Variants in MACROD2 observed in about 807,000 individuals in gnomAD.
The protein encoded by MACROD2 is mono-ADP ribosylhydrolase 2.
MACROD2 carries 36 observed loss-of-function variants against 70.4 expected under a neutral mutation model. The observed-to-expected ratio is 0.51, with a 90% CI of 0.39 to 0.68. The LOEUF (loss-of-function observed/expected upper bound fraction) is 0.68, where lower values mean the gene tolerates loss of function less well. Ranked by LOEUF, MACROD2 falls within the 30% of genes least tolerant of loss-of-function variation. The pLI is 0.00. For synonymous variants in MACROD2, 172 were observed against 178.8 expected, an observed-to-expected ratio of 0.96 and a Z score of 0.30; for missense variants, 496 against 538.4, an observed-to-expected ratio of 0.92 and a Z score of 0.78.
chr20:15,274,142 G>T (rs1049838293), intron 6 of MACROD2, among the ~76,000 whole-genome samples: 1 of 152,110 alleles, frequency 6.6e-6, no homozygotes, highest in South Asian at 2.1e-4. Context: ...AAGGAACTAA[G>T]GTGAACAGAA....
chr20:14,463,095 G>T (rs1163813673), intron 3 of MACROD2, among the ~76,000 whole-genome samples: 2 of 152,012 alleles, frequency 1.3e-5, no homozygotes, highest in Non-Finnish European at 1.5e-5. Context: ...GCTTGATGGG[G>T]ATGGCATTGA....
Position 14,891,044 on chromosome 20 carries a change from C to A in MACROD2, c.418+206085C>A, listed in dbSNP as rs148508116. Among the ~76,000 whole-genome samples the A allele has an allele frequency of 3.5e-3, 494 of 142,752 alleles. 5 individuals carry two copies. The highest frequency in any genetic ancestry group is 0.012 in the African/African-American group (466 of 38,528). 93.7% of individuals were successfully genotyped at this position (142,752 alleles called of 152,430 possible). On this transcript the variant is annotated intron_variant, in intron 5 of 17. Coordinates refer to ENST00000684519, the MANE Select transcript of MACROD2 (RefSeq NM_001351661.2). ...CTTCCTTCCTACCTTCCTTTTCCTC[C>A]TTTCCTTCTTCTTCCTCTTCCCCTT...
intron 4 of MACROD2, among the ~76,000 whole-genome samples, chr20:14,529,078 G>C (rs77414322): frequency 0.012 from 1,898 of 152,184 alleles, 41 homozygotes; most frequent in African/African-American, 0.044. Context: ...GCACGAGATT[G>C]GGTTGTGATC....
In MACROD2 at chr20:15,687,609, T is replaced by G. The variant is rs568209245; in HGVS notation, c.646-175136T>G. 3.9e-5 allele frequency among the ~76,000 whole-genome samples: 6 copies of G among 152,298 alleles called. No individual in the cohort carries two copies. In the East Asian group the frequency reaches 1.2e-3, roughly 29 times the overall value. ...GATGAAGCCTCCTCAGGTTGGCCAG[T>G]GCTCCCTGGGACCACAGGAAGCTTG... On this transcript the variant is annotated intron_variant, in intron 8 of 17. Coordinates refer to ENST00000684519, the MANE Select transcript of MACROD2 (RefSeq NM_001351661.2).
At chr20:14,233,819 A>G (rs2081844142) in intron 3 of MACROD2, among the ~76,000 whole-genome samples, 1 of 152,108 alleles carries the variant, frequency 6.6e-6, no homozygotes, top group African/African-American at 2.4e-5. Flanking sequence ...GCCTTTATAT[A>G]CTGCCTGATG....
At chr20:15,400,883 C>T (rs1313143719) in intron 6 of MACROD2, among the ~76,000 whole-genome samples, 1 of 152,170 alleles carries the variant, frequency 6.6e-6, no homozygotes, top group East Asian at 1.9e-4. Context: ...TTGCAGGCCT[C>T]TCATTTGTGC....
intron 4 of MACROD2, among the ~76,000 whole-genome samples, chr20:14,558,568 A>G (rs191108746): frequency 1.3e-5 from 2 of 151,758 alleles, no homozygotes; most frequent in Admixed American, 6.6e-5. Flanking sequence ...TTCAGAGGAG[A>G]GAAACATTAT....
At chr20:15,822,602 C>G (rs6074954) in intron 8 of MACROD2, among the ~76,000 whole-genome samples, 2 of 152,056 alleles carry the variant, frequency 1.3e-5, no homozygotes, top group African/African-American at 2.4e-5. Context: ...AAGATAAGTC[C>G]TAACAGCATT....
intron 3 of MACROD2, among the ~76,000 whole-genome samples, chr20:14,482,652 T>C (rs1222766155): frequency 6.6e-6 from 1 of 151,808 alleles, no homozygotes; most frequent in Admixed American, 6.6e-5. Flanking sequence ...TGTGTGTAGA[T>C]TGGAAAAAGA....
intron 8 of MACROD2, among the ~76,000 whole-genome samples, chr20:15,805,763 A>G (rs2063763926): frequency 6.6e-6 from 1 of 152,194 alleles, no homozygotes; most frequent in Non-Finnish European, 1.5e-5. Context: ...GGTGTGAGCC[A>G]CCGCATCTGG....
At chr20:14,191,259 C>T (rs6105221) in intron 3 of MACROD2, among the ~76,000 whole-genome samples, 147,186 of 152,214 alleles carry the variant, frequency 0.97, 71,174 homozygotes, top group Middle Eastern at 0.99. Flanking sequence ...AGCTCCTCAG[C>T]CCTTGATATT....
intron 4 of MACROD2, among the ~76,000 whole-genome samples, chr20:14,615,681 G>C (rs1298263203): frequency 2.6e-5 from 4 of 152,122 alleles, no homozygotes; most frequent in African/African-American, 7.2e-5. Flanking sequence ...GAGCAGGGAA[G>C]AATATGTGCC....
At chr20:14,814,337 A>G (rs764556047) in intron 5 of MACROD2, among the ~76,000 whole-genome samples, 3 of 152,164 alleles carry the variant, frequency 2.0e-5, no homozygotes, top group Non-Finnish European at 2.9e-5. Context: ...AATAAGAGAC[A>G]GAAGACTTCT....
chr20:14,004,443 T>C (rs2052782202), intron 2 of MACROD2, among the ~76,000 whole-genome samples: 1 of 152,222 alleles, frequency 6.6e-6, no homozygotes, highest in Admixed American at 6.5e-5. Context: ...ATTTCTATTT[T>C]TCCTGAAATG....
intron 8 of MACROD2, among the ~76,000 whole-genome samples, chr20:15,619,282 A>G (rs1307084599): frequency 6.6e-6 from 1 of 152,224 alleles, no homozygotes; most frequent in African/African-American, 2.4e-5. Context: ...TTTGTTTTAA[A>G]CTATCAACTA....
chr20:14,527,744 T>C (rs1252417447), intron 4 of MACROD2, among the ~76,000 whole-genome samples: 1 of 152,220 alleles, frequency 6.6e-6, no homozygotes, highest in Non-Finnish European at 1.5e-5. Context: ...CTTAGTGACC[T>C]GTTAGACACA....
intron 3 of MACROD2, among the ~76,000 whole-genome samples, chr20:14,428,080 A>G (rs893550713): frequency 6.6e-6 from 1 of 152,174 alleles, no homozygotes; most frequent in African/African-American, 2.4e-5. Flanking sequence ...AGTTTAGTCT[A>G]TAATCTCAAA....
At chr20:15,026,089 G>A (rs2075229095) in intron 5 of MACROD2, among the ~76,000 whole-genome samples, 2 of 151,586 alleles carry the variant, frequency 1.3e-5, no homozygotes, top group Non-Finnish European at 2.9e-5. Flanking sequence ...TTACACTGTG[G>A]TAGACTAGTA....
At chr20:14,748,471 A>G (rs1251730400) in intron 5 of MACROD2, among the ~76,000 whole-genome samples, 1 of 152,148 alleles carries the variant, frequency 6.6e-6, no homozygotes, top group Non-Finnish European at 1.5e-5. Context: ...GTCACGAACT[A>G]TCAAGAAGCA....
Sources: gnomAD v4.1 joint callset for allele counts (sites outside exome capture counted in the v4.1 genomes callset) on GRCh38, gnomAD v4.1.1 for gene constraint, MANE v1.5 for transcripts, NCBI Gene and HGNC (gene_info 2026-07-23, HGNC 2026-07-21) for gene names.